Variants in ZNF804A observed in about 807,000 individuals in gnomAD.
ZNF804A encodes zinc finger protein 804A.
In ZNF804A, 2 loss-of-function variants were observed where a neutral mutation model predicts 16.5. The ratio of observed to expected loss-of-function variants is 0.12; its 90% CI spans 0.05 to 0.38. The LOEUF is 0.38. Ranked by LOEUF, ZNF804A falls within the 10% of genes least tolerant of loss-of-function variation. ZNF804A has a pLI of 0.99. For synonymous variants in ZNF804A, 534 were observed against 489.6 expected (o/e 1.09, Z -1.20); for missense variants, 1,473 against 1,390.7 (o/e 1.06, Z -0.94).
intron 1 of ZNF804A, among the ~76,000 whole-genome samples, chr2:184,694,364 T>G (rs1045547047): frequency 7.9e-5 from 12 of 152,314 alleles, no homozygotes; most frequent in Admixed American, 7.8e-4. Flanking sequence ...TCTTGTTCGC[T>G]TGTCCATGGA....
intron 1 of ZNF804A, among the ~76,000 whole-genome samples, chr2:184,687,423 C>T (rs796989758): frequency 3.3e-5 from 5 of 152,266 alleles, no homozygotes; most frequent in African/African-American, 1.2e-4. Context: ...TTTATTGGGT[C>T]AGATCAGTAC....
chr2:184,640,222 A>G (rs1043191410), intron 1 of ZNF804A, among the ~76,000 whole-genome samples: 1 of 151,358 alleles, frequency 6.6e-6, no homozygotes, highest in Admixed American at 6.6e-5. Context: ...AACGAGGAAG[A>G]AGGAGGAGGA....
chr2:184,870,220 C>A (rs1376109602), intron 2 of ZNF804A, among the ~76,000 whole-genome samples: 1 of 151,766 alleles, frequency 6.6e-6, no homozygotes, highest in African/African-American at 2.4e-5. Flanking sequence ...AAGCAAAGTG[C>A]AATGCTTTCA....
Position 184,832,454 on chromosome 2 carries a change from G to A in ZNF804A, c.112-33915G>A, listed in dbSNP as rs540638579. On this transcript the variant is annotated intron_variant, in intron 1 of 3. Transcript: ENST00000302277. ...GGTTATAAGGTGTCACAAATTATTTGCAATGAAATCGGTTAATTTGGACAA... is the reference window on the plus strand; with the variant it reads ...GGTTATAAGGTGTCACAAATTATTTACAATGAAATCGGTTAATTTGGACAA... 3.0e-4 allele frequency among the ~76,000 whole-genome samples: 46 copies of A among 152,026 alleles called. No individual in the cohort carries two copies. The South Asian group carries it at 7.3e-3, about 24-fold the overall frequency.
At chr2:184,776,429 TTAGA>T (rs1420424824) in intron 1 of ZNF804A, among the ~76,000 whole-genome samples, 1 of 151,520 alleles carries the variant, frequency 6.6e-6, no homozygotes, top group African/African-American at 2.4e-5. Flanking sequence ...TATTGAGTGA[TTAGA>T]TGACACTTTG....
intron 2 of ZNF804A, among the ~76,000 whole-genome samples, chr2:184,873,717 T>C (rs1486060615): frequency 6.6e-6 from 1 of 151,976 alleles, no homozygotes; most frequent in Non-Finnish European, 1.5e-5. Flanking sequence ...TGAACAAAAA[T>C]ATTTGAGGAC....
At chr2:184,763,850 G>A (rs571108725) in intron 1 of ZNF804A, among the ~76,000 whole-genome samples, 1 of 151,660 alleles carries the variant, frequency 6.6e-6, no homozygotes, top group South Asian at 2.1e-4. Context: ...CACCGTGTTA[G>A]CCAAGATAGC....
chr2:184,684,270 G>A lies in ZNF804A; in HGVS notation c.111+85200G>A, dbSNP rs150671676. Among the ~76,000 whole-genome samples the A allele has an allele frequency of 8.5e-5, 13 of 152,220 alleles. No individual in the cohort carries two copies. In the East Asian group the frequency reaches 2.5e-3, roughly 29 times the overall value. ...AACAAAGTGCCTGAATTTCTATGTT[G>A]ATATTTTGTTTGCTAACAGTAGGGG... On this transcript the variant is annotated intron_variant, in intron 1 of 3. Transcript: ENST00000302277.
intron 1 of ZNF804A, among the ~76,000 whole-genome samples, chr2:184,736,048 C>T (rs958317034): frequency 6.6e-6 from 1 of 152,152 alleles, no homozygotes; most frequent in African/African-American, 2.4e-5. Context: ...TAAAGCTTGG[C>T]TTACTGATAA....
At chr2:184,635,639 T>A (rs1366216575) in intron 1 of ZNF804A, among the ~76,000 whole-genome samples, 1 of 152,150 alleles carries the variant, frequency 6.6e-6, no homozygotes, top group East Asian at 1.9e-4. Flanking sequence ...GTTTTTGAAA[T>A]ATAACTCAGT....
At chr2:184,753,267 C>T (rs185941578) in intron 1 of ZNF804A, among the ~76,000 whole-genome samples, 9 of 151,444 alleles carry the variant, frequency 5.9e-5, no homozygotes, top group East Asian at 1.9e-4. Flanking sequence ...GGCTGGGGGG[C>T]GTTGCTTCTC....
chr2:184,656,749 C>CAT (rs1189144867), intron 1 of ZNF804A, among the ~76,000 whole-genome samples: 173 of 150,386 alleles, frequency 1.2e-3, no homozygotes, highest in African/African-American at 2.9e-3. Context: ...CACACACACA[C>CAT]ATATATATAT....
At chr2:184,752,716 A>C (rs2105759186) in intron 1 of ZNF804A, among the ~76,000 whole-genome samples, 1 of 151,842 alleles carries the variant, frequency 6.6e-6, no homozygotes, top group South Asian at 2.1e-4. Flanking sequence ...GTAAAGCTTA[A>C]TATTCAAAAT....
chr2:184,702,742 A>G (rs948019056), intron 1 of ZNF804A, among the ~76,000 whole-genome samples: 7 of 152,166 alleles, frequency 4.6e-5, no homozygotes, highest in East Asian at 1.9e-4. Context: ...GGGAAGCAGC[A>G]ATTTACAGTT....
intron 1 of ZNF804A, among the ~76,000 whole-genome samples, chr2:184,819,609 C>CA (rs934140953): frequency 2.7e-5 from 4 of 150,578 alleles, no homozygotes; most frequent in African/African-American, 9.8e-5. Flanking sequence ...AAGAACCCTT[C>CA]AAAAAACCAA....
intron 1 of ZNF804A, among the ~76,000 whole-genome samples, chr2:184,611,472 T>G (rs1276625336): frequency 6.6e-6 from 1 of 151,988 alleles, no homozygotes; most frequent in East Asian, 1.9e-4. Context: ...GACATGAAAA[T>G]CATAAGGAAA....
chr2:184,733,596 A>G (rs944711652), intron 1 of ZNF804A, among the ~76,000 whole-genome samples: 44 of 152,142 alleles, frequency 2.9e-4, no homozygotes, highest in Non-Finnish European at 5.1e-4. Context: ...GAGAATTACT[A>G]TAATTTCTTC....
chr2:184,771,540 A>G (rs1274820475), intron 1 of ZNF804A, among the ~76,000 whole-genome samples: 1 of 151,794 alleles, frequency 6.6e-6, no homozygotes, highest in Non-Finnish European at 1.5e-5. Flanking sequence ...TGAGCCTAGG[A>G]GTTCAAGACC....
chr2:184,662,982 T>C (rs961550556), intron 1 of ZNF804A, among the ~76,000 whole-genome samples: 10 of 152,234 alleles, frequency 6.6e-5, no homozygotes, highest in African/African-American at 2.4e-4. Flanking sequence ...TAGGTTACCA[T>C]ACAAGATATT....
Sources: gnomAD v4.1 joint callset for allele counts (sites outside exome capture counted in the v4.1 genomes callset) on GRCh38, gnomAD v4.1.1 for gene constraint, MANE v1.5 for transcripts, NCBI Gene and HGNC (gene_info 2026-07-23, HGNC 2026-07-21) for gene names.